The following FER variants were observed in gnomAD, a reference collection of about 807,000 sequenced individuals.
The protein encoded by FER is tyrosine-protein kinase Fer.
In FER, 63 loss-of-function variants were observed where a neutral mutation model predicts 111.0. That is an observed-to-expected ratio of 0.57 (90% CI 0.46 to 0.70). The LOEUF is 0.70. Among genes scored for constraint, FER ranks in the 30% least tolerant of loss-of-function variants. The probability of loss-of-function intolerance (pLI) is 0.00; values close to 1 mark genes in which losing one functional copy is unlikely to be tolerated. For synonymous variants in FER, 327 were observed against 313.9 expected (o/e 1.04, Z -0.44); for missense variants, 914 against 954.0 (o/e 0.96, Z 0.55).
intron 16 of FER, among the ~76,000 whole-genome samples, chr5:109,068,550 C>T (rs1035042553): frequency 9.2e-5 from 14 of 152,150 alleles, no homozygotes; most frequent in African/African-American, 3.4e-4. Context: ...CACTGTAATT[C>T]TTATTTAGAT....
chr5:109,155,128 A>C (rs1456698283), intron 17 of FER, among the ~76,000 whole-genome samples: 1 of 151,928 alleles, frequency 6.6e-6, no homozygotes, highest in Non-Finnish European at 1.5e-5. Flanking sequence ...TTCTCTTGTC[A>C]TATGGCCCAC....
intron 17 of FER, among the ~76,000 whole-genome samples, chr5:109,156,318 G>A (rs1415194676): frequency 6.6e-6 from 1 of 151,966 alleles, no homozygotes; most frequent in Non-Finnish European, 1.5e-5. Context: ...GAATGTCAGA[G>A]TGGAAATACA....
intron 10 of FER, among the ~76,000 whole-genome samples, chr5:108,945,333 T>C (rs1252732480): frequency 1.3e-5 from 2 of 151,722 alleles, no homozygotes; most frequent in Non-Finnish European, 2.9e-5. Flanking sequence ...GTGCCCTTCT[T>C]ATGTCCTAGT....
intron 16 of FER, among the ~76,000 whole-genome samples, chr5:109,099,402 A>G (rs1341735152): frequency 6.6e-6 from 1 of 151,562 alleles, no homozygotes; most frequent in Non-Finnish European, 1.5e-5. Flanking sequence ...TGATTCAGTA[A>G]TTGGAAAATT....
At chr5:108,926,224 A>G (rs554879014) in intron 10 of FER, among the ~76,000 whole-genome samples, 1 of 151,174 alleles carries the variant, frequency 6.6e-6, no homozygotes, top group Non-Finnish European at 1.5e-5. Flanking sequence ...ATCCTTCTTT[A>G]ATATTTTTCT....
At chr5:108,785,374 G>C in intron 2 of FER, 1 of 584,596 alleles carries the variant, frequency 1.7e-6, no homozygotes, top group Non-Finnish European at 3.4e-6. Flanking sequence ...CCAGCATCAA[G>C]ATCTGGGACT....
chr5:108,960,123 G>A (rs1302306618), intron 13 of FER, among the ~76,000 whole-genome samples: 1 of 152,080 alleles, frequency 6.6e-6, no homozygotes, highest in Non-Finnish European at 1.5e-5. Context: ...ACACAACTTG[G>A]TAGATTAATA....
intron 16 of FER, among the ~76,000 whole-genome samples, chr5:109,057,112 A>G (rs778567638): frequency 6.6e-6 from 1 of 152,192 alleles, no homozygotes; most frequent in Non-Finnish European, 1.5e-5. Context: ...TCTCTAAGCA[A>G]GGTTCTTTAC....
chr5:108,812,798 T>C (rs1437848709), intron 3 of FER, among the ~76,000 whole-genome samples: 1 of 152,142 alleles, frequency 6.6e-6, no homozygotes, highest in African/African-American at 2.4e-5. Context: ...AGTCTGTATT[T>C]CAGTGATATG....
At chr5:108,899,758 C>T (rs561198158) in intron 10 of FER, among the ~76,000 whole-genome samples, 132 of 149,766 alleles carry the variant, frequency 8.8e-4, no homozygotes, top group Non-Finnish European at 1.6e-3. Flanking sequence ...GAGCTGAGAT[C>T]GTGCCACTGC....
intron 17 of FER, among the ~76,000 whole-genome samples, chr5:109,139,339 C>CT (rs1175551198): frequency 1.6e-5 from 2 of 121,438 alleles, no homozygotes; most frequent in Non-Finnish European, 3.4e-5. Flanking sequence ...TTTACTTCTC[C>CT]TTCTTTCTTT....
At chr5:109,142,734 G>GA (rs143626495) in intron 17 of FER, among the ~76,000 whole-genome samples, 17,153 of 151,702 alleles carry the variant, frequency 0.11, 960 homozygotes, top group Non-Finnish European at 0.12. Context: ...CAAAGAAACA[G>GA]AAAAAAAGAC....
chr5:109,051,832 A>G, intron 16 of FER: 1 of 1,597,536 alleles, frequency 6.3e-7, no homozygotes, highest in South Asian at 1.1e-5. Context: ...CATGAAGATG[A>G]TGAAGATGGT....
In FER at chr5:108,989,807, G is replaced by A. The variant is rs115429710; in HGVS notation, c.1656+30460G>A. On this transcript the variant is annotated intron_variant, in intron 13 of 19. Transcript: ENST00000281092. The stretch of plus-strand genomic sequence containing the variant: ...TTTATAAAAATCGTATGTGGTGTAA[G>A]CATGAGAATACATTAATACAAAATA... Among the ~76,000 whole-genome samples, 1,519 of 151,956 alleles carry A rather than the reference G, an allele frequency of 1.0e-2. 21 individuals are homozygous for A. The highest frequency in any genetic ancestry group is 0.035 in the African/African-American group (1,450 of 41,516).
rs573029126 is a variant in FER, at chr5:108,836,577, G to A, written c.481+770G>A. Among the ~76,000 whole-genome samples, 4 of 152,016 alleles carry A rather than the reference G, an allele frequency of 2.6e-5. No individual in the cohort carries two copies. The South Asian group carries it at 8.4e-4, about 32-fold the overall frequency. ...TTCTAGCTAAATAAAGCGTTTATTA[G>A]AATCTCTATTTTATTTTGGTTCTTA... On this transcript the variant is annotated intron_variant, in intron 5 of 19. Coordinates refer to ENST00000281092, the MANE Select transcript of FER (RefSeq NM_005246.4).
chr5:108,848,312 A>G (rs1762222469), intron 5 of FER, among the ~76,000 whole-genome samples: 1 of 152,194 alleles, frequency 6.6e-6, no homozygotes, highest in South Asian at 2.1e-4. Flanking sequence ...ATTTAGACCA[A>G]TATTTAAATG....
At chr5:109,008,426 T>G (rs11955886) in intron 13 of FER, among the ~76,000 whole-genome samples, 18,121 of 152,200 alleles carry the variant, frequency 0.12, 1,130 homozygotes, top group Non-Finnish European at 0.14. Context: ...CTTCCTTCTT[T>G]TACTAAGAAC....
At chr5:109,035,093 G>T (rs1466860965) in intron 13 of FER, among the ~76,000 whole-genome samples, 1 of 148,202 alleles carries the variant, frequency 6.7e-6, no homozygotes, top group Admixed American at 6.7e-5. Context: ...GAGTGCAGTG[G>T]CGCAATCTTG....
At position 108,883,505 on chromosome 5, in the gene FER, GAGA is replaced by G. The variant is rs772148178; in HGVS notation, c.1039_1041del (p.Lys347del). On this transcript the variant is annotated inframe_deletion, in exon 9 of 20. Coordinates refer to ENST00000281092, the MANE Select transcript of FER (RefSeq NM_005246.4). ...AATTGAAGAATCTTCTGAAACTTGT[GAGA>G]AGAAGTCTGAGTGAGTAAAAGAGAA... The G allele has an allele frequency of 5.6e-6, 9 of 1,603,134 alleles. No homozygotes were observed. Among genetic ancestry groups the G allele is most frequent in the East Asian group, 2.2e-5 (1 of 44,528 alleles).
Sources: gnomAD v4.1 joint callset for allele counts (sites outside exome capture counted in the v4.1 genomes callset) on GRCh38, gnomAD v4.1.1 for gene constraint, MANE v1.5 for transcripts, NCBI Gene and HGNC (gene_info 2026-07-23, HGNC 2026-07-21) for gene names.